SKIC3: variants seen among roughly 807,000 people sequenced by gnomAD.
The protein encoded by SKIC3 is SKI3 subunit of superkiller complex, also known as superkiller complex protein 3.
chr5:95,497,113 T>G, the SKIC3 span, among the ~76,000 whole-genome samples: 2 of 152,230 alleles, frequency 1.3e-5, no homozygotes, highest in Non-Finnish European at 2.9e-5. Context: ...CAGTGTTACA[T>G]TACTTTATCA....
the SKIC3 span, among the ~76,000 whole-genome samples, chr5:95,528,668 C>G: frequency 6.6e-6 from 1 of 152,234 alleles, no homozygotes; most frequent in South Asian, 2.1e-4. Context: ...TTTCCCCTCT[C>G]TATATGAGAG....
At chr5:95,470,704 A>G in the SKIC3 span, among the ~76,000 whole-genome samples, 1 of 152,176 alleles carries the variant, frequency 6.6e-6, no homozygotes, top group African/African-American at 2.4e-5. Flanking sequence ...AGTAATCAGT[A>G]CTAAAAACTT....
chr5:95,513,743 T>A, the SKIC3 span: 1 of 1,212,332 alleles, frequency 8.2e-7, no homozygotes, highest in South Asian at 1.3e-5. Flanking sequence ...GTTTACTAGC[T>A]GAGCTTAAAA....
At chr5:95,524,684 G>A in the SKIC3 span, 2 of 1,561,152 alleles carry the variant, frequency 1.3e-6, no homozygotes, top group East Asian at 2.3e-5. Context: ...AACAATCAAA[G>A]TTTGAGTGAT....
the SKIC3 span, chr5:95,554,973 G>A: frequency 3.8e-6 from 1 of 262,372 alleles, no homozygotes; most frequent in Non-Finnish European, 7.7e-6. Context: ...CGCCGAGGCT[G>A]CAATGAGAGC....
At chr5:95,488,182 T>C in the SKIC3 span, among the ~76,000 whole-genome samples, 1 of 152,062 alleles carries the variant, frequency 6.6e-6, no homozygotes, top group Non-Finnish European at 1.5e-5. Context: ...TGGAACACCA[T>C]AAAACACCCA....
At chr5:95,552,412 G>A in the SKIC3 span, among the ~76,000 whole-genome samples, 4 of 152,034 alleles carry the variant, frequency 2.6e-5, no homozygotes, top group East Asian at 5.8e-4. Flanking sequence ...ATTCTTAGAC[G>A]TAAGTCTTAT....
chr5:95,524,336 C>G, the SKIC3 span: 1 of 1,351,088 alleles, frequency 7.4e-7, no homozygotes, highest in Non-Finnish European at 1.0e-6. Flanking sequence ...CATCACAAAA[C>G]CTGACATATG....
chr5:95,516,575 A>G, the SKIC3 span: 3 of 1,613,432 alleles, frequency 1.9e-6, no homozygotes, highest in Middle Eastern at 1.7e-4. Context: ...GCAAGGGCAT[A>G]ATTTCCAATA....
the SKIC3 span, chr5:95,509,463 C>T: frequency 1.4e-6 from 1 of 727,226 alleles, no homozygotes; most frequent in African/African-American, 1.7e-5. Flanking sequence ...CCAGGCTCCT[C>T]CCCACCTGCA....
chr5:95,506,175 A>G, the SKIC3 span, among the ~76,000 whole-genome samples: 1 of 152,294 alleles, frequency 6.6e-6, no homozygotes, highest in Admixed American at 6.5e-5. Flanking sequence ...TTGAAAGGAG[A>G]GGCAGTCAGA....
the SKIC3 span, among the ~76,000 whole-genome samples, chr5:95,475,432 C>A: frequency 6.6e-6 from 1 of 152,082 alleles, no homozygotes; most frequent in Non-Finnish European, 1.5e-5. Context: ...TACATCCCCC[C>A]TCTCTCTCTT....
At chr5:95,541,713 C>T in the SKIC3 span, 35 of 800,376 alleles carry the variant, frequency 4.4e-5, no homozygotes, top group East Asian at 5.4e-4. Context: ...AAAAAAGCTT[C>T]GCAATTCCCA....
chr5:95,476,237 T>C, the SKIC3 span, among the ~76,000 whole-genome samples: 1 of 152,166 alleles, frequency 6.6e-6, no homozygotes, highest in South Asian at 2.1e-4. Context: ...TACTCCTGAG[T>C]TGAATGCCGC....
At chr5:95,507,743 T>C in the SKIC3 span, among the ~76,000 whole-genome samples, 1 of 152,204 alleles carries the variant, frequency 6.6e-6, no homozygotes, top group Non-Finnish European at 1.5e-5. Flanking sequence ...TGAAAAACTA[T>C]ACCCTTATTT....
At chr5:95,533,659 C>A in the SKIC3 span, among the ~76,000 whole-genome samples, 1 of 152,142 alleles carries the variant, frequency 6.6e-6, no homozygotes, top group African/African-American at 2.4e-5. Context: ...TATAGACCTT[C>A]TTTTCTTTCC....
the SKIC3 span, among the ~76,000 whole-genome samples, chr5:95,504,500 AT>A: frequency 2.0e-5 from 3 of 151,782 alleles, no homozygotes; most frequent in African/African-American, 4.9e-5. Context: ...TGGATCTCTA[AT>A]TTTTTTAAGC....
the SKIC3 span, among the ~76,000 whole-genome samples, chr5:95,535,449 T>A: frequency 6.6e-6 from 1 of 151,940 alleles, no homozygotes; most frequent in Non-Finnish European, 1.5e-5. Flanking sequence ...TAGCTGGGAT[T>A]ACAGGCGCCC....
chr5:95,516,817 G>T, the SKIC3 span: 1 of 1,572,862 alleles, frequency 6.4e-7, no homozygotes, highest in Non-Finnish European at 8.7e-7. Context: ...CAAGATATAT[G>T]TGGTTTTATG....
Sources: gnomAD v4.1 joint callset for allele counts (sites outside exome capture counted in the v4.1 genomes callset) on GRCh38, gnomAD v4.1.1 for gene constraint, MANE v1.5 for transcripts, NCBI Gene and HGNC (gene_info 2026-07-23, HGNC 2026-07-21) for gene names.